Variants in TFAP4 observed in about 807,000 individuals in gnomAD.
TFAP4 encodes transcription factor AP-4.
TFAP4 carries 7 observed loss-of-function variants against 40.4 expected under a neutral mutation model. That is an observed-to-expected ratio of 0.17 (90% CI 0.10 to 0.33). TFAP4 has a LOEUF of 0.33. TFAP4 is among the 10% of genes least tolerant of loss of function. The probability of loss-of-function intolerance (pLI) is 1.00; values close to 1 mark genes in which losing one functional copy is unlikely to be tolerated. For synonymous variants in TFAP4, 218 were observed against 181.4 expected (o/e 1.20, Z -1.62); for missense variants, 374 against 451.1 (o/e 0.83, Z 1.55).
intron 1 of TFAP4, among the ~76,000 whole-genome samples, chr16:4,271,000 G>T (rs908903460): frequency 6.6e-6 from 1 of 152,248 alleles, no homozygotes; most frequent in African/African-American, 2.4e-5. Flanking sequence ...TGACAACTCA[G>T]TGAGAAAATT....
chr16:4,258,068 C>T lies in TFAP4; in HGVS notation c.1004G>A (p.Gly335Glu), dbSNP rs745401284. 3.7e-6 allele frequency: 6 copies of T among 1,611,984 alleles called. No homozygotes were observed. The highest frequency in any genetic ancestry group is 5.1e-6 in the Non-Finnish European group (6 of 1,179,682). Residue 335 changes from glycine (G) to glutamate (E), a missense_variant, in exon 7 of 7, where the codon GGG becomes GAG. Physicochemically the swap from Gly to Glu is moderately conservative, Grantham distance 98. Around this residue, in one of 6 missense-constraint regions of TFAP4, gnomAD observed 93 missense variants for 79.2 expected, o/e 1.17. Transcript: ENST00000204517. ...DQSREEPSGDGELP is the reference protein window; with the variant it reads ...DQSREEPSGDEELP Reference sequence around the variant, plus strand: ...CTGGGGGGGTAGTCAGGGAAGCTCCCCGTCCCCCGACGGCTCCTCCCGGCT... The same window carrying T: ...CTGGGGGGGTAGTCAGGGAAGCTCCTCGTCCCCCGACGGCTCCTCCCGGCT...
At chr16:4,262,099 C>G (rs1468602795) in intron 3 of TFAP4, 150 bp from the exon 4 acceptor site, 2 of 955,428 alleles carry the variant, frequency 2.1e-6, no homozygotes, top group African/African-American at 3.3e-5. Context: ...AGCCAAATGC[C>G]AGGAGAATGG....
chr16:4,262,847 CA>C, intron 1 of TFAP4, 146 bp from the exon 2 acceptor site: 1 of 894,446 alleles, frequency 1.1e-6, no homozygotes, highest in South Asian at 1.6e-5. Flanking sequence ...CTCTCTGGGA[CA>C]CCGGGGCGGA....
chr16:4,265,440 C>G (rs570384020), intron 1 of TFAP4: 1 of 152,012 alleles, frequency 6.6e-6, no homozygotes, highest in East Asian at 1.9e-4. Context: ...ATAGTGAGAC[C>G]CCATCACTAG....
chr16:4,272,640 G>C lies in TFAP4; in HGVS notation c.89+18C>G, dbSNP rs1567203961. ...GCTGCAGTGGTAGGAAGGGGGTGGG[G>C]GGAGGAGGAGTACACACCTACAGAG... On this transcript the variant is annotated intron_variant, in intron 1 of 6. Transcript: ENST00000204517. 1.9e-6 allele frequency: 3 copies of C among 1,595,354 alleles called. No individual in the cohort carries two copies. Among genetic ancestry groups the C allele is most frequent in the Non-Finnish European group, 2.6e-6 (3 of 1,168,088 alleles).
In TFAP4 at chr16:4,261,880, T is replaced by C. The variant is rs1490703612; in HGVS notation, c.424A>G (p.Ile142Val). 1.2e-5 allele frequency: 20 copies of C among 1,613,594 alleles called. No individual in the cohort carries two copies. The highest frequency in any genetic ancestry group is 1.6e-5 in the Non-Finnish European group (19 of 1,179,914). ...TCCTCCGCCTTCTCGTCCTCCCAGATGTCCGGGGAGCCTATGCCTTCGTCC... is the reference window on the plus strand; with the variant it reads ...TCCTCCGCCTTCTCGTCCTCCCAGACGTCCGGGGAGCCTATGCCTTCGTCC... ...DKDEGIGSPD[I>V]WEDEKAEDLR... The change falls in exon 4 of 7, where the codon ATC becomes GTC. Residue 142 changes from isoleucine to valine, a missense_variant. Physicochemically the swap from Ile to Val is conservative, Grantham distance 29 (BLOSUM62 3). Transcript: ENST00000204517.
intron 4 of TFAP4, 101 bp downstream of exon 4, chr16:4,261,666 AGTAGGTGCTCCT>A: frequency 5.6e-6 from 7 of 1,250,844 alleles, no homozygotes; most frequent in Non-Finnish European, 7.5e-6. Flanking sequence ...CTGGCACCGC[AGTAGGTGCTCCT>A]GTAAATAGGG....
chr16:4,262,498 G>A (rs2052958098), intron 2 of TFAP4, 38 bp downstream of exon 2: 3 of 1,612,848 alleles, frequency 1.9e-6, no homozygotes, highest in Admixed American at 1.7e-5. Flanking sequence ...GCGGGAACCT[G>A]CCGGCTCCTC....
chr16:4,272,557 T>G, intron 1 of TFAP4, 101 bp downstream of exon 1: 1 of 789,928 alleles, frequency 1.3e-6, no homozygotes, highest in Non-Finnish European at 1.8e-6. Flanking sequence ...GCTAGCGGGG[T>G]CGGCGGCGCG....
chr16:4,268,036 C>T (rs2053011412), intron 1 of TFAP4: 1 of 152,370 alleles, frequency 6.6e-6, no homozygotes, highest in Non-Finnish European at 1.5e-5. Flanking sequence ...AAAGTCCAGC[C>T]TTGCCACTTA....
intron 1 of TFAP4, among the ~76,000 whole-genome samples, chr16:4,267,848 C>A (rs1259894919): frequency 6.6e-6 from 1 of 152,214 alleles, no homozygotes; most frequent in Non-Finnish European, 1.5e-5. Context: ...TCCATCCCCG[C>A]TGCTTCTACA....
Position 4,260,517 on chromosome 16 carries a change from C to CCTG in TFAP4, c.601_603dup (p.Gln201dup), listed in dbSNP as rs763806202. On this transcript the variant is annotated inframe_insertion, in exon 5 of 7. Transcript: ENST00000204517. Reference sequence around the variant, plus strand: ...TCCTGGTGCAGCAGCCTCACCTGTTCCTGCTGCTGCTGCAGCTGCACCTGC... The same window carrying CCTG: ...TCCTGGTGCAGCAGCCTCACCTGTTCCTGCTGCTGCTGCTGCAGCTGCACCTGC... The CCTG allele has an allele frequency of 1.9e-6, 3 of 1,610,278 alleles. No homozygotes were observed. Among genetic ancestry groups the CCTG allele is most frequent in the East Asian group, 2.2e-5 (1 of 44,720 alleles).
In TFAP4 at chr16:4,258,060, G is replaced by A; in HGVS notation, c.1012C>T (p.Pro338Ser). ...REEPSGDGELP is the reference protein window; with the variant it reads ...REEPSGDGELS ...GAGGAGGGCTGGGGGGGTAGTCAGG[G>A]AAGCTCCCCGTCCCCCGACGGCTCC... Residue 338 changes from proline to serine, a missense_variant, in exon 7 of 7, where the codon CCC (proline) becomes TCC (serine). Pro to Ser is a moderately conservative substitution (Grantham distance 74). Coordinates refer to ENST00000204517, the MANE Select transcript of TFAP4 (RefSeq NM_003223.3). 6.2e-7 allele frequency: 1 copy of A among 1,610,896 alleles called. No homozygotes were observed. Among genetic ancestry groups the A allele is most frequent in the Non-Finnish European group, 8.5e-7 (1 of 1,179,512 alleles).
At chr16:4,268,098 C>T (rs2053011972) in intron 1 of TFAP4, 1 of 152,272 alleles carries the variant, frequency 6.6e-6, no homozygotes. Context: ...AATATGGAAA[C>T]ACTGCTTCAC....
intron 1 of TFAP4, among the ~76,000 whole-genome samples, chr16:4,267,367 C>A (rs1294463895): frequency 6.6e-6 from 1 of 152,238 alleles, no homozygotes; most frequent in Non-Finnish European, 1.5e-5. Flanking sequence ...GCAAGCCAGC[C>A]TCCTGGGTCC....
chr16:4,259,770 C>A (rs550146199), intron 6 of TFAP4, among the ~76,000 whole-genome samples: 3 of 152,254 alleles, frequency 2.0e-5, no homozygotes, highest in African/African-American at 7.2e-5. Flanking sequence ...TCCGGACCAA[C>A]CCAAGAGCTG....
intron 1 of TFAP4, 121 bp downstream of exon 1, chr16:4,272,537 G>T: frequency 1.6e-6 from 1 of 636,610 alleles, no homozygotes; most frequent in Non-Finnish European, 2.4e-6. Flanking sequence ...CGTCCCGGCA[G>T]CTAAGAAAGG....
intron 1 of TFAP4, chr16:4,266,827 G>C (rs1742026485): frequency 6.6e-6 from 1 of 152,236 alleles, no homozygotes; most frequent in Non-Finnish European, 1.5e-5. Flanking sequence ...ACTCCTCCAG[G>C]TGAAAATCAA....
chr16:4,266,581 T>C (rs959607798), intron 1 of TFAP4: 6 of 152,154 alleles, frequency 3.9e-5, no homozygotes, highest in Non-Finnish European at 7.3e-5. Flanking sequence ...CAGGAATTCT[T>C]ATTGGTGGAA....
Sources: gnomAD v4.1 joint callset for allele counts (sites outside exome capture counted in the v4.1 genomes callset) on GRCh38, gnomAD v4.1.1 for gene constraint, gnomAD v4.1.1 regional missense constraint, MANE v1.5 for transcripts, NCBI Gene and HGNC (gene_info 2026-07-23, HGNC 2026-07-21) for gene names.